SNAP47: variants seen among roughly 807,000 people sequenced by gnomAD.
SNAP47 encodes synaptosomal-associated protein 47.
In SNAP47, 20 loss-of-function variants were observed where a neutral mutation model predicts 31.4. That is an observed-to-expected ratio of 0.64 (90% CI 0.45 to 0.93). The LOEUF (loss-of-function observed/expected upper bound fraction) is 0.93, where lower values mean the gene tolerates loss of function less well. Ranked by LOEUF, SNAP47 falls within the 40% of genes least tolerant of loss-of-function variation. SNAP47 has a pLI of 0.00. For synonymous variants in SNAP47, 194 were observed against 213.4 expected (o/e 0.91, Z 0.79); for missense variants, 492 against 528.5 (o/e 0.93, Z 0.68).
chr1:227,735,248 G>C (rs1253910961), upstream of SNAP47: 7 of 1,601,746 alleles, frequency 4.4e-6, no homozygotes, highest in Non-Finnish European at 5.1e-6. Flanking sequence ...GTGGCTGTCG[G>C]CGAGGGCGCG....
rs1212968907 is a variant in SNAP47, at chr1:227,762,862, G to A, written c.988+3377G>A. ...CTCTGTCTCAGATTTTCTTGCAGTC[G>A]GCCTGGGCTGTGGTTTGGGAGGAAG... On this transcript the variant is annotated intron_variant, in intron 3 of 4. Coordinates refer to ENST00000617596, the MANE Select transcript of SNAP47 (RefSeq NM_053052.4). This position sits in a 1 kb window ranked among gnomAD's most constrained non-coding sequence, Gnocchi z 4.2. 6.6e-6 allele frequency among the ~76,000 whole-genome samples: 1 copy of A among 152,096 alleles called. No individual in the cohort carries two copies. Among genetic ancestry groups the A allele is most frequent in the South Asian group, 2.1e-4 (1 of 4,824 alleles).
In SNAP47 at chr1:227,780,439, C is replaced by T. The variant is rs1260590960; in HGVS notation, c.1114-88C>T. The T allele has an allele frequency of 6.4e-6, 10 of 1,568,848 alleles. No individual in the cohort carries two copies. In the Admixed American group the frequency reaches 1.7e-4, roughly 27 times the overall value. On this transcript the variant is annotated intron_variant, in intron 4 of 4. Coordinates refer to ENST00000617596, the MANE Select transcript of SNAP47 (RefSeq NM_053052.4). ...CATCACCCAGGTGGTAACGCAAAGG[C>T]TCTTGGGTGTGTGAGAGGGGGAGAT... is the stretch of plus-strand genomic sequence containing the variant.
chr1:227,751,744 G>GTTTTTTTTTTTTTTTTTTTT (rs540732076), intron 2 of SNAP47, among the ~76,000 whole-genome samples: 1 of 69,138 alleles, frequency 1.4e-5, no homozygotes, highest in African/African-American at 5.6e-5. Context: ...TAAAGACTTG[G>GTTTTTTTTTTTTTTTTTTTT]TTTTTTTTTT....
intron 4 of SNAP47, chr1:227,768,414 T>C: frequency 1.3e-6 from 1 of 782,430 alleles, no homozygotes; most frequent in Non-Finnish European, 1.6e-6. Context: ...AGGGAGTGTT[T>C]TGTGGATGGC....
In SNAP47 at chr1:227,747,793, G is replaced by A; in HGVS notation, c.57G>A (p.Lys19=). ...CGTGCACCTACTACCTGGAGCCCAA[G>A]AGGCGATGGGTTACTGGACAGCTGT... ...TWPCTYYLEP[K]RRWVTGQLSL... The change falls in exon 2 of 5, where the codon AAG becomes AAA. Residue 19 remains lysine (K), a synonymous_variant. Coordinates refer to ENST00000617596, the MANE Select transcript of SNAP47 (RefSeq NM_053052.4). 1 of 1,614,178 alleles carries A rather than the reference G, an allele frequency of 6.2e-7. No individual in the cohort carries two copies. The highest frequency in any genetic ancestry group is 2.2e-5 in the East Asian group (1 of 44,876).
chr1:227,741,335 G>A lies in SNAP47; in HGVS notation c.-46+5836G>A, dbSNP rs970891625. On this transcript the variant is annotated intron_variant, in intron 1 of 4. Coordinates refer to ENST00000617596, the MANE Select transcript of SNAP47 (RefSeq NM_053052.4). The surrounding 1 kb of genome is among the most constrained non-coding windows in gnomAD (Gnocchi z 4.2). ...GAGGCTATGGCCAAGGAGAGTGGAC[G>A]CAGGCACTCATGGAAGTGGGGCTGG... Among the ~76,000 whole-genome samples the A allele has an allele frequency of 2.6e-5, 4 of 152,246 alleles. No homozygotes were observed. The highest frequency in any genetic ancestry group is 4.1e-4 in the South Asian group (2 of 4,830).
At chr1:227,735,365 C>T (rs1322272270), upstream of SNAP47, 5 of 1,591,750 alleles carry the variant, frequency 3.1e-6, no homozygotes, top group African/African-American at 6.8e-5. Flanking sequence ...ACGCAGGGCG[C>T]CGCGTTTCTG....
At chr1:227,736,903 TG>T (rs1661243536) in intron 1 of SNAP47, among the ~76,000 whole-genome samples, 1 of 152,122 alleles carries the variant, frequency 6.6e-6, no homozygotes, top group Non-Finnish European at 1.5e-5. Flanking sequence ...GGAAAAGGGA[TG>T]TCCTCCCTAG....
In SNAP47 at chr1:227,754,293, T is replaced by C. The variant is rs1305182756; in HGVS notation, c.498-4702T>C. 7.2e-5 allele frequency among the ~76,000 whole-genome samples: 11 copies of C among 152,350 alleles called. No homozygotes were observed. The East Asian group carries it at 1.5e-3, about 21-fold the overall frequency. ...CTGCCCTTGTGTCCCTTTACTGATG[T>C]GCTCCTCTTGAGGTCTGGCCACCTG... On this transcript the variant is annotated intron_variant, in intron 2 of 4. Transcript: ENST00000617596.
At chr1:227,728,356 G>T (rs985794991), upstream of SNAP47, among the ~76,000 whole-genome samples, 1 of 152,086 alleles carries the variant, frequency 6.6e-6, no homozygotes, top group Non-Finnish European at 1.5e-5. Flanking sequence ...AGCGGGGGGG[G>T]CGGGCCCCGC....
At chr1:227,751,619 C>T (rs539475451) in intron 2 of SNAP47, among the ~76,000 whole-genome samples, 1 of 152,186 alleles carries the variant, frequency 6.6e-6, no homozygotes, top group East Asian at 1.9e-4. Flanking sequence ...ACAGGCAGGG[C>T]GCCCAGCCTC....
At chr1:227,733,408 C>T, upstream of SNAP47, 1 of 1,569,684 alleles carries the variant, frequency 6.4e-7, no homozygotes, top group Non-Finnish European at 8.6e-7. Context: ...AGAAGCAGCA[C>T]ATTACCAGGT....
At chr1:227,758,432 G>A (rs535282558) in intron 2 of SNAP47, among the ~76,000 whole-genome samples, 1 of 152,336 alleles carries the variant, frequency 6.6e-6, no homozygotes, top group Non-Finnish European at 1.5e-5. Flanking sequence ...AGTGTACTCT[G>A]AGGAGGAGGT....
In SNAP47 at chr1:227,780,985, C is replaced by T. The variant is rs902275045; in HGVS notation, c.*312C>T. 7 of 364,470 alleles carry T rather than the reference C, an allele frequency of 1.9e-5. No homozygotes were observed. The highest frequency in any genetic ancestry group is 4.1e-5 in the African/African-American group (2 of 48,572). The allele number at this position is 364,470 out of a possible 1,614,324, so 22.6% of individuals were successfully genotyped here. A position where few individuals can be genotyped will look rare whatever the true frequency, so the allele number is the denominator to read the frequency against. On this transcript the variant is annotated 3_prime_UTR_variant, in exon 5 of 5. Transcript: ENST00000617596. The stretch of plus-strand genomic sequence containing the variant: ...GGAAGAGGCCGCCCTCGTCTTGTCT[C>T]GGCTCCCTTTCATGGACAGACTGGC...
intron 4 of SNAP47, chr1:227,776,307 T>C (rs1558217632): frequency 1.0e-6 from 1 of 990,542 alleles, no homozygotes; most frequent in Non-Finnish European, 1.2e-6. Flanking sequence ...CACTCCTTGC[T>C]CTATTTCTTT....
At chr1:227,760,790 G>A (rs998780061) in intron 3 of SNAP47, among the ~76,000 whole-genome samples, 1 of 152,222 alleles carries the variant, frequency 6.6e-6, no homozygotes, top group African/African-American at 2.4e-5. Flanking sequence ...TTCCCCCACA[G>A]ATGTGCACGA....
rs1664419576 is a variant in SNAP47 at position 227,780,829 on chromosome 1, T to G, written c.*156T>G. ...TGGGGCTGCTTCTGCACCAGGGGCC[T>G]CCCCAGGTGTGCACCATGCCTGCCT... On this transcript the variant is annotated 3_prime_UTR_variant, in exon 5 of 5. Transcript: ENST00000617596. The G allele has an allele frequency of 2.0e-6, 2 of 1,021,976 alleles. No homozygotes were observed. Among genetic ancestry groups the G allele is most frequent in the Non-Finnish European group, 2.8e-6 (2 of 717,506 alleles). 63.3% of individuals were successfully genotyped at this position (1,021,976 alleles called of 1,614,324 possible). A position where few individuals can be genotyped will look rare whatever the true frequency, so the allele number is the denominator to read the frequency against.
At chr1:227,774,887 T>A (rs1464303133) in intron 4 of SNAP47, among the ~76,000 whole-genome samples, 1 of 152,246 alleles carries the variant, frequency 6.6e-6, no homozygotes, top group Non-Finnish European at 1.5e-5. Context: ...ATCCCTGGTC[T>A]AGGAGCAGGG....
chr1:227,780,116 C>T (rs1284576634), intron 4 of SNAP47, among the ~76,000 whole-genome samples: 2 of 152,206 alleles, frequency 1.3e-5, no homozygotes, highest in Non-Finnish European at 2.9e-5. Flanking sequence ...AGCATAGTGG[C>T]TGGGTGAGAG....
Sources: gnomAD v4.1 joint callset for allele counts (sites outside exome capture counted in the v4.1 genomes callset) on GRCh38, gnomAD v4.1.1 for gene constraint, Gnocchi (gnomAD v3.1) non-coding constraint, MANE v1.5 for transcripts, NCBI Gene and HGNC (gene_info 2026-07-23, HGNC 2026-07-21) for gene names.